The following IFT57 variants were observed in gnomAD, a reference collection of about 807,000 sequenced individuals.
IFT57 encodes intraflagellar transport 57.
In IFT57, 59 loss-of-function variants were observed where a neutral mutation model predicts 56.8. That is an observed-to-expected ratio of 1.04 (90% CI 0.84 to 1.29). IFT57 has a LOEUF of 1.29. Among genes scored for constraint, IFT57 ranks in the 50% most tolerant of loss-of-function variants. The pLI is 0.00. For synonymous variants in IFT57, 209 were observed against 186.1 expected, an observed-to-expected ratio of 1.12 and a Z score of -1.00; for missense variants, 470 against 522.1, an observed-to-expected ratio of 0.90 and a Z score of 0.97.
intron 1 of IFT57, among the ~76,000 whole-genome samples, chr3:108,219,940 T>G (rs533297781): frequency 3.0e-4 from 45 of 152,272 alleles, no homozygotes; most frequent in African/African-American, 1.1e-3. Context: ...AACCTCAGAG[T>G]TTAAAAAAGA....
chr3:108,195,358 CT>C (rs55941617), intron 5 of IFT57, among the ~76,000 whole-genome samples: 14,416 of 152,142 alleles, frequency 0.095, 1,457 homozygotes, highest in East Asian at 0.53. Context: ...AAGGGGAACA[CT>C]TGTATAGTGT....
chr3:108,210,771 T>G (rs1332575201), intron 4 of IFT57, among the ~76,000 whole-genome samples: 1 of 151,984 alleles, frequency 6.6e-6, no homozygotes, highest in Non-Finnish European at 1.5e-5. Flanking sequence ...TAGAATAATA[T>G]GATGACAATA....
intron 4 of IFT57, among the ~76,000 whole-genome samples, chr3:108,209,732 A>G (rs1296872077): frequency 6.6e-6 from 1 of 152,234 alleles, no homozygotes; most frequent in South Asian, 2.1e-4. Context: ...TAAAGACATT[A>G]GTCTTCTCTT....
chr3:108,172,413 T>C (rs1299133279), intron 6 of IFT57, among the ~76,000 whole-genome samples: 2 of 151,816 alleles, frequency 1.3e-5, no homozygotes, highest in Non-Finnish European at 2.9e-5. Flanking sequence ...CTAAAGAGTA[T>C]AGATTTTATT....
At chr3:108,186,450 C>T (rs773157001) in intron 6 of IFT57, among the ~76,000 whole-genome samples, 1 of 151,960 alleles carries the variant, frequency 6.6e-6, no homozygotes, top group Non-Finnish European at 1.5e-5. Flanking sequence ...GCTTCCAAAC[C>T]ATGCCAAACA....
chr3:108,217,834 T>C (rs2080381255), intron 3 of IFT57, among the ~76,000 whole-genome samples: 1 of 151,866 alleles, frequency 6.6e-6, no homozygotes. Flanking sequence ...TGTTTTCTAA[T>C]TATAATCTCT....
chr3:108,166,651 A>C (rs545186095), intron 8 of IFT57, among the ~76,000 whole-genome samples: 98 of 152,178 alleles, frequency 6.4e-4, no homozygotes, highest in Non-Finnish European at 1.1e-3. Context: ...GCATTTAAAG[A>C]CTTCCAGGAG....
At chr3:108,179,375 A>G (rs1342667993) in intron 6 of IFT57, among the ~76,000 whole-genome samples, 2 of 151,992 alleles carry the variant, frequency 1.3e-5, no homozygotes, top group African/African-American at 2.4e-5. Context: ...GGAAAATACC[A>G]TGATAGAAGG....
intron 5 of IFT57, among the ~76,000 whole-genome samples, chr3:108,194,473 GAAAT>G (rs1473625749): frequency 1.6e-5 from 2 of 128,364 alleles, no homozygotes; most frequent in African/African-American, 5.1e-5. Flanking sequence ...ATTCTTCACA[GAAAT>G]AAAAAAAAAA....
chr3:108,196,591 C>A (rs1362352679), intron 5 of IFT57, among the ~76,000 whole-genome samples: 2 of 152,112 alleles, frequency 1.3e-5, no homozygotes, highest in East Asian at 3.8e-4. Context: ...CCTTTACTAG[C>A]TTATTATTTG....
In IFT57 at chr3:108,166,569, ACTCT is replaced by A. The variant is rs2080064290; in HGVS notation, c.981+281_981+284del. Among the ~76,000 whole-genome samples the A allele has an allele frequency of 5.9e-5, 9 of 152,058 alleles. No individual in the cohort carries two copies. The South Asian group carries it at 1.9e-3, about 31-fold the overall frequency. ...TAGAAGCAAAACCAGGTGTCCTGAT[ACTCT>A]GTTCCTGTTCTAAGCTATGTTCCCC... On this transcript the variant is annotated intron_variant, in intron 8 of 10. Coordinates refer to ENST00000264538, the MANE Select transcript of IFT57 (RefSeq NM_018010.4).
chr3:108,191,393 G>A, intron 6 of IFT57, 128 bp downstream of exon 6: 1 of 549,864 alleles, frequency 1.8e-6, no homozygotes, highest in Non-Finnish European at 3.0e-6. Flanking sequence ...TCCTTATTAA[G>A]ACAAAATGCT....
In IFT57 at chr3:108,166,923, T is replaced by C. The variant is rs747584125; in HGVS notation, c.912A>G (p.Glu304=). The C allele has an allele frequency of 1.9e-6, 3 of 1,611,896 alleles. No individual in the cohort carries two copies. In the South Asian group the frequency reaches 3.3e-5, roughly 18 times the overall value. ...TCTCAAGCTGATTGTTGATGTACTT[T>C]TCTCGGCTGCTGATCTTTTCCAAAG... is the stretch of plus-strand genomic sequence containing the variant. ...TRTLEKISSR[E]KYINNQLENL... is the part of the protein sequence containing the mutation. The change falls in exon 8 of 11, where the codon GAA becomes GAG. Residue 304 remains glutamate (E), a synonymous_variant. Coordinates refer to ENST00000264538, the MANE Select transcript of IFT57 (RefSeq NM_018010.4).
intron 5 of IFT57, among the ~76,000 whole-genome samples, chr3:108,200,269 T>C (rs1179875096): frequency 6.6e-6 from 1 of 152,070 alleles, no homozygotes; most frequent in Non-Finnish European, 1.5e-5. Flanking sequence ...ATTTAGAGCA[T>C]TACTGTCATA....
chr3:108,187,656 T>G (rs1275051293), intron 6 of IFT57, among the ~76,000 whole-genome samples: 1 of 146,372 alleles, frequency 6.8e-6, no homozygotes, highest in Non-Finnish European at 1.5e-5. Context: ...AAAAAAAAAG[T>G]GTGAGAGAAA....
rs751323403 is a variant in IFT57, at chr3:108,162,285, G to T, written c.*192C>A. 9.7e-6 allele frequency: 4 copies of T among 414,472 alleles called. No homozygotes were observed. Among genetic ancestry groups the T allele is most frequent in the Non-Finnish European group, 1.7e-5 (4 of 237,832 alleles). The allele number at this position is 414,472 out of a possible 1,614,324, so 25.7% of individuals were successfully genotyped here. On this transcript the variant is annotated 3_prime_UTR_variant, in exon 11 of 11. Transcript: ENST00000264538. ...AAAGCTTCTTAGAAAGTGAGAATTTGTAATTTCTTTATTAAACATTACATT... is the reference window on the plus strand; with the variant it reads ...AAAGCTTCTTAGAAAGTGAGAATTTTTAATTTCTTTATTAAACATTACATT...
chr3:108,221,163 A>C (rs1213958944), intron 1 of IFT57, among the ~76,000 whole-genome samples: 1 of 152,204 alleles, frequency 6.6e-6, no homozygotes, highest in Non-Finnish European at 1.5e-5. Flanking sequence ...CTTTCAATTC[A>C]AGTTATTGGA....
At chr3:108,203,563 TGTCA>T (rs74769341) in intron 5 of IFT57, among the ~76,000 whole-genome samples, 12,124 of 152,212 alleles carry the variant, frequency 0.08, 577 homozygotes, top group Middle Eastern at 0.11. Context: ...ATATGATTAT[TGTCA>T]GTAAGTTCTT....
At chr3:108,186,519 T>C (rs1288866995) in intron 6 of IFT57, among the ~76,000 whole-genome samples, 1 of 152,160 alleles carries the variant, frequency 6.6e-6, no homozygotes, top group African/African-American at 2.4e-5. Context: ...CTGGACAATC[T>C]GGCAGAAGGG....
Sources: gnomAD v4.1 joint callset for allele counts (sites outside exome capture counted in the v4.1 genomes callset) on GRCh38, gnomAD v4.1.1 for gene constraint, MANE v1.5 for transcripts, NCBI Gene and HGNC (gene_info 2026-07-23, HGNC 2026-07-21) for gene names.